SSPN: variants seen among roughly 807,000 people sequenced by gnomAD.
SSPN encodes the protein K-ras oncogene-associated protein.
In SSPN, 15 loss-of-function variants were observed where a neutral mutation model predicts 19.1. That is an observed-to-expected ratio of 0.78 (90% confidence interval 0.52 to 1.21). SSPN has a LOEUF of 1.21. Among genes scored for constraint, SSPN ranks in the 50% most tolerant of loss-of-function variants. The pLI, the probability that SSPN is intolerant of heterozygous loss-of-function variation, is 0.00. For synonymous variants in SSPN, 147 were observed against 140.3 expected, an observed-to-expected ratio of 1.05 and a Z score of -0.34; for missense variants, 291 against 314.0, an observed-to-expected ratio of 0.93 and a Z score of 0.55.
At chr12:26,219,041 T>G (rs1425613557) in intron 1 of SSPN, among the ~76,000 whole-genome samples, 1 of 152,118 alleles carries the variant, frequency 6.6e-6, no homozygotes, top group African/African-American at 2.4e-5. Flanking sequence ...GTTGATTAAC[T>G]TACAGAAATA....
chr12:26,165,324 A>G (rs1392122380), intron 1 of SSPN, among the ~76,000 whole-genome samples: 1 of 152,242 alleles, frequency 6.6e-6, no homozygotes, highest in African/African-American at 2.4e-5. Flanking sequence ...TTCTCTGGCC[A>G]TCAGAACTTC....
At chr12:26,190,322 C>T (rs901077626) in intron 1 of SSPN, among the ~76,000 whole-genome samples, 4 of 152,122 alleles carry the variant, frequency 2.6e-5, no homozygotes, top group African/African-American at 4.8e-5. Context: ...TAGTCTAAAG[C>T]CAGCCACCAT....
chr12:26,177,833 A>C (rs192408394), intron 1 of SSPN, among the ~76,000 whole-genome samples: 3 of 152,272 alleles, frequency 2.0e-5, no homozygotes, highest in Admixed American at 2.0e-4. Flanking sequence ...AGGACCCTGC[A>C]TGGCACCCTC....
intron 1 of SSPN, among the ~76,000 whole-genome samples, chr12:26,183,506 C>T (rs548884395): frequency 2.2e-4 from 34 of 152,320 alleles, no homozygotes; most frequent in Admixed American, 1.2e-3. Flanking sequence ...AGAATTTCTC[C>T]ATCTACTGAG....
chr12:26,177,033 T>G lies in SSPN; in HGVS notation c.-30-47260T>G, dbSNP rs565341611. Among the ~76,000 whole-genome samples, 9 of 152,330 alleles carry G rather than the reference T, an allele frequency of 5.9e-5. No homozygotes were observed. In the South Asian group the frequency reaches 1.9e-3, roughly 32 times the overall value. ...TGGGACTTTGCAAGGTTTTCCTTGT[T>G]GGACTTTATTCTTAAGGTAATAACA... On this transcript the variant is annotated intron_variant, in intron 1 of 2. Transcript: ENST00000538142.
chr12:26,171,995 C>T (rs1414048374), intron 1 of SSPN, among the ~76,000 whole-genome samples: 2 of 152,204 alleles, frequency 1.3e-5, no homozygotes, highest in Non-Finnish European at 2.9e-5. Flanking sequence ...GTAGCACATA[C>T]CTGCCTCCTA....
At chr12:26,161,650 C>T (rs1191255903) in intron 1 of SSPN, among the ~76,000 whole-genome samples, 1 of 152,314 alleles carries the variant, frequency 6.6e-6, no homozygotes, top group African/African-American at 2.4e-5. Flanking sequence ...CTCTTTTGCT[C>T]AGGTGCCTAG....
At chr12:26,146,123 G>T (rs1944488745) in intron 1 of SSPN, among the ~76,000 whole-genome samples, 1 of 152,198 alleles carries the variant, frequency 6.6e-6, no homozygotes, top group Non-Finnish European at 1.5e-5. Flanking sequence ...AGAGACAAGT[G>T]AAGAGAAGGG....
chr12:26,223,263 T>G (rs1051030730), intron 1 of SSPN, among the ~76,000 whole-genome samples: 11 of 152,174 alleles, frequency 7.2e-5, no homozygotes, highest in Admixed American at 7.2e-4. Flanking sequence ...CAGACTGGAG[T>G]GCAATGGCAC....
intron 1 of SSPN, among the ~76,000 whole-genome samples, chr12:26,187,930 C>T (rs867677117): frequency 2.0e-5 from 3 of 151,910 alleles, no homozygotes; most frequent in Non-Finnish European, 2.9e-5. Flanking sequence ...ACAAGATTGC[C>T]GAAGAGAAAT....
intron 1 of SSPN, among the ~76,000 whole-genome samples, chr12:26,218,500 A>C (rs1026209927): frequency 4.6e-5 from 7 of 151,782 alleles, no homozygotes; most frequent in African/African-American, 1.7e-4. Flanking sequence ...AAAAAAAAAA[A>C]AGAAATGCAA....
chr12:26,128,396 T>A (rs886476730), intron 1 of SSPN, among the ~76,000 whole-genome samples: 6 of 152,242 alleles, frequency 3.9e-5, no homozygotes, highest in African/African-American at 1.4e-4. Context: ...TTCAAATTTA[T>A]TGATTTAAAT....
chr12:26,174,171 G>A (rs1391012226), intron 1 of SSPN, among the ~76,000 whole-genome samples: 1 of 152,132 alleles, frequency 6.6e-6, no homozygotes, highest in Non-Finnish European at 1.5e-5. Flanking sequence ...CGGTAGCCAT[G>A]AGAAATGTTA....
chr12:26,151,204 A>T (rs1444202213), intron 1 of SSPN, among the ~76,000 whole-genome samples: 1 of 152,134 alleles, frequency 6.6e-6, no homozygotes. Flanking sequence ...GGAAAAAAAA[A>T]ATTGTGCTAT....
In SSPN at chr12:26,195,648, C is replaced by G. The variant is rs1026059871; in HGVS notation, c.-25C>G. 1 of 513,848 alleles carries G rather than the reference C, an allele frequency of 1.9e-6. No individual in the cohort carries two copies. Among genetic ancestry groups the G allele is most frequent in the African/African-American group, 2.2e-5 (1 of 46,138 alleles). 31.8% of individuals were successfully genotyped at this position (513,848 alleles called of 1,614,324 possible). A position where few individuals can be genotyped will look rare whatever the true frequency, so the allele number is the denominator to read the frequency against. On this transcript the variant is annotated 5_prime_UTR_variant, in exon 1 of 3. Coordinates refer to ENST00000242729, the MANE Select transcript of SSPN (RefSeq NM_005086.5). ...GCCCAGGGCGCCGCACACGCACCCA[C>G]CCACCCACCCAGCCTCGCAGCGCCA...
intron 1 of SSPN, among the ~76,000 whole-genome samples, chr12:26,151,707 C>T (rs890195515): frequency 6.6e-6 from 1 of 152,046 alleles, no homozygotes; most frequent in East Asian, 1.9e-4. Context: ...TAAAGGTTAC[C>T]GTGGTCCAGG....
intron 1 of SSPN, among the ~76,000 whole-genome samples, chr12:26,201,563 A>G (rs1478564239): frequency 4.6e-5 from 7 of 151,728 alleles, no homozygotes; most frequent in Non-Finnish European, 1.0e-4. Flanking sequence ...AGGCCAAGAG[A>G]GTGTTTATAT....
At chr12:26,201,006 T>C (rs1944871939) in intron 1 of SSPN, among the ~76,000 whole-genome samples, 1 of 14,248 alleles carries the variant, frequency 7.0e-5, no homozygotes, top group African/African-American at 4.3e-4. Flanking sequence ...AAGAAGTTAA[T>C]TTGTGTATAT....
At chr12:26,137,654 A>ATTTTTTT (rs1269817874) in intron 1 of SSPN, among the ~76,000 whole-genome samples, 1 of 55,036 alleles carries the variant, frequency 1.8e-5, no homozygotes, top group African/African-American at 9.2e-5. Flanking sequence ...ATATATATAT[A>ATTTTTTT]TATTTTTTTT....
Sources: allele counts gnomAD v4.1 joint callset (sites outside exome capture counted in the v4.1 genomes callset), GRCh38; gene constraint gnomAD v4.1.1; transcripts MANE v1.5; gene names NCBI Gene and HGNC (gene_info 2026-07-23, HGNC 2026-07-21).